Variants in ALX4 observed in about 807,000 individuals in gnomAD.
ALX4 encodes homeobox protein aristaless-like 4.
A neutral mutation model predicts 40.6 loss-of-function variants in ALX4; 22 were observed. The observed-to-expected ratio is 0.54, with a 90% CI of 0.39 to 0.77. The LOEUF is 0.77. Among genes scored for constraint, ALX4 ranks in the 30% least tolerant of loss-of-function variants. The probability of loss-of-function intolerance (pLI) is 0.00; values close to 1 mark genes in which losing one functional copy is unlikely to be tolerated. For missense variants in ALX4, 556 were observed against 564.8 expected (o/e 0.98, Z 0.16); for synonymous variants, 266 against 240.5 (o/e 1.11, Z -0.98).
intron 1 of ALX4, 116 bp downstream of exon 1, chr11:44,309,481 C>A: frequency 1.3e-6 from 2 of 1,493,790 alleles, no homozygotes; most frequent in Non-Finnish European, 1.8e-6. Context: ...CGACCAGAGT[C>A]ACCACCCCGC....
At chr11:44,291,161 A>T (rs1280727627) in intron 1 of ALX4, among the ~76,000 whole-genome samples, 1 of 152,154 alleles carries the variant, frequency 6.6e-6, no homozygotes, top group Non-Finnish European at 1.5e-5. Flanking sequence ...TATAACAAAG[A>T]CTATAAATGG....
rs35856858 is a variant in ALX4 at position 44,273,190 on chromosome 11, T to TAAA, written c.777+2155_777+2157dup. Among the ~76,000 whole-genome samples, 25 of 137,620 alleles carry TAAA rather than the reference T, an allele frequency of 1.8e-4. No homozygotes were observed. In the East Asian group the frequency reaches 3.6e-3, roughly 20 times the overall value. 90.3% of individuals were successfully genotyped at this position (137,620 alleles called of 152,430 possible). ...CTGAGCTGCATGGCGCTTTGCTGAT[T>TAAA]AAAAAAAAAAAAAAAAAAAAGATTT... On this transcript the variant is annotated intron_variant, in intron 2 of 3. Coordinates refer to ENST00000652299, the MANE Select transcript of ALX4 (RefSeq NM_021926.4).
intron 3 of ALX4, among the ~76,000 whole-genome samples, chr11:44,267,209 G>C (rs1265396140): frequency 1.3e-5 from 2 of 152,170 alleles, no homozygotes; most frequent in Non-Finnish European, 1.5e-5. Context: ...CCTTGGTTCC[G>C]ATGCCCACAG....
Position 44,264,737 on chromosome 11 carries a change from C to G in ALX4, c.*117G>C, listed in dbSNP as rs1465419130. ...TGGGGCGGCTGAAAGTGCTGAGGGT[C>G]AGGCCCCTGGCCCAGGCCAGGTTCC... On this transcript the variant is annotated 3_prime_UTR_variant, in exon 4 of 4. Transcript: ENST00000652299. The G allele has an allele frequency of 8.3e-7, 1 of 1,206,802 alleles. No homozygotes were observed. Among genetic ancestry groups the G allele is most frequent in the Non-Finnish European group, 1.2e-6 (1 of 864,646 alleles). The allele number at this position is 1,206,802 out of a possible 1,614,324, so 74.8% of individuals were successfully genotyped here. A position where few individuals can be genotyped will look rare whatever the true frequency, so the allele number is the denominator to read the frequency against.
chr11:44,279,536 C>CGCAGATCTGCCT (rs572065019), intron 1 of ALX4, among the ~76,000 whole-genome samples: 2,378 of 152,302 alleles, frequency 0.016, 36 homozygotes, highest in South Asian at 0.022. Context: ...CCGCAAGGTG[C>CGCAGATCTGCCT]CCTCCTCAGC....
At chr11:44,284,551 A>C (rs775800601) in intron 1 of ALX4, among the ~76,000 whole-genome samples, 5 of 152,126 alleles carry the variant, frequency 3.3e-5, no homozygotes, top group Non-Finnish European at 7.4e-5. Context: ...GCTTTTTGCT[A>C]AATCTGCCAA....
chr11:44,288,077 A>G (rs1049786107), intron 1 of ALX4, among the ~76,000 whole-genome samples: 1 of 152,160 alleles, frequency 6.6e-6, no homozygotes, highest in East Asian at 1.9e-4. Flanking sequence ...CCCGGGTTCA[A>G]GTGATTCCCT....
At chr11:44,305,302 G>A (rs1009341115) in intron 1 of ALX4, among the ~76,000 whole-genome samples, 2 of 152,190 alleles carry the variant, frequency 1.3e-5, no homozygotes, top group Non-Finnish European at 2.9e-5. Flanking sequence ...TTTAATCCAG[G>A]CCCTCTGTTT....
At chr11:44,282,357 G>A (rs756767697) in intron 1 of ALX4, among the ~76,000 whole-genome samples, 1 of 152,112 alleles carries the variant, frequency 6.6e-6, no homozygotes, top group Non-Finnish European at 1.5e-5. Flanking sequence ...AAGTTACGGC[G>A]ATGTATGGAG....
intron 1 of ALX4, among the ~76,000 whole-genome samples, chr11:44,295,425 T>C (rs1956397462): frequency 6.6e-6 from 1 of 152,236 alleles, no homozygotes; most frequent in Admixed American, 6.5e-5. Flanking sequence ...AATTATGCCT[T>C]AGGGCACATG....
chr11:44,304,364 C>T (rs1956453770), intron 1 of ALX4, among the ~76,000 whole-genome samples: 1 of 152,220 alleles, frequency 6.6e-6, no homozygotes, highest in Non-Finnish European at 1.5e-5. Context: ...GTTTGGGGGG[C>T]TAAGGACGCT....
intron 2 of ALX4, among the ~76,000 whole-genome samples, chr11:44,273,136 T>G (rs2135311995): frequency 6.6e-6 from 1 of 151,112 alleles, no homozygotes. Flanking sequence ...TTGGGGCATC[T>G]CTGTCCTAAC....
At chr11:44,307,690 AGGGACGAGCTGGG>A in intron 1 of ALX4, among the ~76,000 whole-genome samples, 1 of 152,256 alleles carries the variant, frequency 6.6e-6, no homozygotes, top group Non-Finnish European at 1.5e-5. Context: ...CCTGAATGAC[AGGGACGAGCTGGG>A]GCCTGCATCC....
At chr11:44,270,248 G>A (rs978110796) in intron 2 of ALX4, among the ~76,000 whole-genome samples, 4 of 152,192 alleles carry the variant, frequency 2.6e-5, no homozygotes, top group Admixed American at 6.5e-5. Context: ...TGACCAGGCG[G>A]GGGAGAGGCC....
intron 1 of ALX4, among the ~76,000 whole-genome samples, chr11:44,278,621 G>A (rs959076583): frequency 2.0e-5 from 3 of 152,234 alleles, no homozygotes; most frequent in African/African-American, 7.2e-5. Flanking sequence ...CTGAGACCAA[G>A]TGAGCAGGCA....
At chr11:44,275,300 G>A (rs1268758574) in intron 2 of ALX4, 48 bp downstream of exon 2, 2 of 1,595,666 alleles carry the variant, frequency 1.3e-6, no homozygotes, top group South Asian at 1.1e-5. Context: ...AAGAGCCCAG[G>A]GACAGGCTCT....
intron 1 of ALX4, among the ~76,000 whole-genome samples, chr11:44,307,813 G>T (rs71490060): frequency 6.6e-6 from 1 of 152,080 alleles, no homozygotes; most frequent in Non-Finnish European, 1.5e-5. Flanking sequence ...TCCATGTGCG[G>T]AGCTGTGTGT....
intron 1 of ALX4, among the ~76,000 whole-genome samples, chr11:44,304,494 G>A (rs1014891030): frequency 6.6e-6 from 1 of 151,388 alleles, no homozygotes; most frequent in Non-Finnish European, 1.5e-5. Context: ...GGCAGGGCGC[G>A]CCCCCCCCAT....
At chr11:44,293,799 G>T (rs1010032428) in intron 1 of ALX4, among the ~76,000 whole-genome samples, 1 of 152,194 alleles carries the variant, frequency 6.6e-6, no homozygotes. Context: ...TGTTTAGAAG[G>T]GTTTGTCTCC....
Sources: allele counts gnomAD v4.1 joint callset (sites outside exome capture counted in the v4.1 genomes callset), GRCh38; gene constraint gnomAD v4.1.1; transcripts MANE v1.5; gene names NCBI Gene and HGNC (gene_info 2026-07-23, HGNC 2026-07-21).